Variants in GSE1 observed in about 807,000 individuals in gnomAD.
GSE1 encodes the protein Gse1 coiled-coil protein.
GSE1 carries 32 observed loss-of-function variants against 112.6 expected under a neutral mutation model. That is an observed-to-expected ratio of 0.28 (90% CI 0.21 to 0.38). The LOEUF (loss-of-function observed/expected upper bound fraction) is 0.38, where lower values mean the gene tolerates loss of function less well. Ranked by LOEUF, GSE1 falls within the 10% of genes least tolerant of loss-of-function variation. The pLI is 1.00. For missense variants in GSE1, 2,348 were observed against 1,699.2 expected (o/e 1.38, Z -6.71); for synonymous variants, 1,115 against 735.6 (o/e 1.52, Z -8.35).
At chr16:85,586,649 G>A (rs1440118165) in intron 1 of GSE1, among the ~76,000 whole-genome samples, 3 of 151,998 alleles carry the variant, frequency 2.0e-5, no homozygotes, top group Non-Finnish European at 2.9e-5. Flanking sequence ...GCGCCCCCCC[G>A]ACTGCCGTGC....
intron 1 of GSE1, among the ~76,000 whole-genome samples, chr16:85,325,146 C>T (rs1370295439): frequency 2.6e-5 from 4 of 151,936 alleles, no homozygotes; most frequent in Admixed American, 6.6e-5. Context: ...TTTTTAAAAT[C>T]GTTCATAGAG....
At chr16:85,354,893 G>A (rs2046920256) in intron 1 of GSE1, among the ~76,000 whole-genome samples, 3 of 152,218 alleles carry the variant, frequency 2.0e-5, no homozygotes, top group Admixed American at 6.5e-5. Flanking sequence ...CCCAGGGTGG[G>A]AACCACCTTG....
At chr16:85,614,054 C>A in intron 1 of GSE1, among the ~76,000 whole-genome samples, 1 of 151,096 alleles carries the variant, frequency 6.6e-6, no homozygotes, top group African/African-American at 2.4e-5. Context: ...CCTCTCTCTC[C>A]CCCCACCCCC....
intron 1 of GSE1, among the ~76,000 whole-genome samples, chr16:85,235,020 C>T (rs369302410): frequency 6.6e-5 from 10 of 151,976 alleles, no homozygotes; most frequent in Non-Finnish European, 1.3e-4. Context: ...CCTCGCATCC[C>T]CAGGACCCTC....
In GSE1 at chr16:85,452,088, C is replaced by T. The variant is rs1012391319; in HGVS notation, c.2464+94445C>T. Among the ~76,000 whole-genome samples the T allele has an allele frequency of 2.6e-5, 4 of 152,164 alleles. No individual in the cohort carries two copies. In the South Asian group the frequency reaches 6.2e-4, roughly 24 times the overall value. ...ACCATGGCTGAAGATGCATCTTTGT[C>T]CCCGCCAGAGAGACCCGTGTCCGGC... is the stretch of plus-strand genomic sequence containing the variant. On this transcript the variant is annotated intron_variant, in intron 2 of 2. Coordinates refer to the GSE1 transcript ENST00000637419.
At chr16:85,356,049 T>C (rs1397990007) in intron 1 of GSE1, among the ~76,000 whole-genome samples, 2 of 151,940 alleles carry the variant, frequency 1.3e-5, no homozygotes, top group African/African-American at 2.4e-5. Flanking sequence ...AAAATAAAGA[T>C]TACAAAAAAG....
chr16:85,325,712 A>T (rs1280346558), intron 1 of GSE1, among the ~76,000 whole-genome samples: 1 of 151,684 alleles, frequency 6.6e-6, no homozygotes, highest in African/African-American at 2.4e-5. Flanking sequence ...TTAGCCTCCC[A>T]AAGTGCTGGG....
At position 85,373,142 on chromosome 16, in the gene GSE1, C is replaced by T. The variant is rs2047337757; in HGVS notation, c.2464+15499C>T. Among the ~76,000 whole-genome samples, 1 of 152,272 alleles carries T rather than the reference C, an allele frequency of 6.6e-6. No homozygotes were observed. The highest frequency in any genetic ancestry group is 1.5e-5 in the Non-Finnish European group (1 of 68,044). On this transcript the variant is annotated intron_variant, in intron 2 of 2. Transcript: ENST00000637419. The surrounding 1 kb of genome is among the most constrained non-coding windows in gnomAD (Gnocchi z 5.1). ...CAGGACAGGCAGGTGTCAGCAACAGCAGCAGCCAATGTGGCCATGGGATGC... is the reference window on the plus strand; with the variant it reads ...CAGGACAGGCAGGTGTCAGCAACAGTAGCAGCCAATGTGGCCATGGGATGC...
intron 1 of GSE1, among the ~76,000 whole-genome samples, chr16:85,272,918 A>C (rs1908993237): frequency 6.6e-6 from 1 of 151,960 alleles, no homozygotes; most frequent in African/African-American, 2.4e-5. Flanking sequence ...CTGGGATTAC[A>C]GGCATGCACT....
chr16:85,337,345 G>T (rs1208391977), intron 1 of GSE1, among the ~76,000 whole-genome samples: 1 of 141,236 alleles, frequency 7.1e-6, no homozygotes, highest in Non-Finnish European at 1.5e-5. Flanking sequence ...TCGCTCTGTC[G>T]CCCAGGCTGG....
At chr16:85,357,575 A>G in exon 2 of GSE1, 2 of 1,288,774 alleles carry the variant, frequency 1.6e-6, no homozygotes, top group Non-Finnish European at 2.0e-6. Flanking sequence ...AGGATGGCCC[A>G]GGAGCTGAGG....
intron 2 of GSE1, chr16:85,490,554 C>G (rs2050977254): frequency 6.6e-6 from 1 of 152,256 alleles, no homozygotes; most frequent in Non-Finnish European, 1.5e-5. Flanking sequence ...CAGGCCAGCC[C>G]CTCGCTCGCT....
intron 1 of GSE1, among the ~76,000 whole-genome samples, chr16:85,347,549 G>A (rs994668393): frequency 1.3e-5 from 2 of 152,146 alleles, no homozygotes; most frequent in African/African-American, 2.4e-5. Context: ...ATGGATCCCC[G>A]CTTTCTAGTG....
chr16:85,198,120 C>T (rs2074963022), intron 1 of GSE1, among the ~76,000 whole-genome samples: 1 of 152,102 alleles, frequency 6.6e-6, no homozygotes, highest in Admixed American at 6.5e-5. Context: ...GAGTCAGCCT[C>T]TATGTGGGTG....
chr16:85,582,018 C>T (rs987332978), intron 1 of GSE1: 1 of 152,220 alleles, frequency 6.6e-6, no homozygotes, highest in African/African-American at 2.4e-5. Context: ...CTGCCAGCTA[C>T]CTGGGGTGGA....
intron 1 of GSE1, among the ~76,000 whole-genome samples, chr16:85,213,720 C>T (rs1386489215): frequency 6.6e-6 from 1 of 152,242 alleles, no homozygotes; most frequent in Non-Finnish European, 1.5e-5. Flanking sequence ...CAGGGGTGCC[C>T]TTGCAGGGAC....
chr16:85,478,943 T>G lies in GSE1; in HGVS notation c.2464+121300T>G, dbSNP rs1396000431. Among the ~76,000 whole-genome samples, 3 of 109,508 alleles carry G rather than the reference T, an allele frequency of 2.7e-5. 1 individual carries two copies. Among genetic ancestry groups the G allele is most frequent in the African/African-American group, 1.1e-4 (3 of 28,184 alleles). 71.8% of individuals were successfully genotyped at this position (109,508 alleles called of 152,430 possible). On this transcript the variant is annotated intron_variant, in intron 2 of 2. Transcript: ENST00000637419. ...TCTTTCTTTCTCTTTCTTTCTTTCT[T>G]TCTTTTTTTTTCTTTCTTTCTTTCC...
chr16:85,302,194 G>T (rs1251485737), intron 1 of GSE1, among the ~76,000 whole-genome samples: 1 of 152,168 alleles, frequency 6.6e-6, no homozygotes, highest in Non-Finnish European at 1.5e-5. Context: ...GAGAGAGAGA[G>T]AGGACTCGAA....
chr16:85,513,423 G>C (rs1045351478), intron 2 of GSE1, among the ~76,000 whole-genome samples: 1 of 152,150 alleles, frequency 6.6e-6, no homozygotes, highest in Non-Finnish European at 1.5e-5. Context: ...GCTTCCCACA[G>C]TGGTTGAAAC....
Sources: gnomAD v4.1 joint callset for allele counts (sites outside exome capture counted in the v4.1 genomes callset) on GRCh38, gnomAD v4.1.1 for gene constraint, Gnocchi (gnomAD v3.1) non-coding constraint, MANE v1.5 for transcripts, NCBI Gene and HGNC (gene_info 2026-07-23, HGNC 2026-07-21) for gene names.